MCCC1: variants seen among roughly 807,000 people sequenced by gnomAD.
MCCC1 encodes methylcrotonyl-CoA carboxylase subunit 1.
A neutral mutation model predicts 83.8 loss-of-function variants in MCCC1; 64 were observed. The ratio of observed to expected loss-of-function variants is 0.76; its 90% CI spans 0.62 to 0.94. The LOEUF is 0.94. Among genes scored for constraint, MCCC1 ranks in the 40% least tolerant of loss-of-function variants. MCCC1 has a pLI of 0.00. For missense variants in MCCC1, 807 were observed against 904.7 expected, an observed-to-expected ratio of 0.89 and a Z score of 1.39; for synonymous variants, 322 against 315.4, an observed-to-expected ratio of 1.02 and a Z score of -0.22.
intron 15 of MCCC1, among the ~76,000 whole-genome samples, chr3:183,023,249 A>G (rs1712303214): frequency 6.6e-6 from 1 of 152,210 alleles, no homozygotes; most frequent in African/African-American, 2.4e-5. Flanking sequence ...CAATTCCCAC[A>G]ATGCTAGTGT....
At chr3:183,023,412 T>C (rs1313961857) in intron 15 of MCCC1, among the ~76,000 whole-genome samples, 2 of 152,222 alleles carry the variant, frequency 1.3e-5, no homozygotes, top group East Asian at 3.8e-4. Flanking sequence ...ATTTGAATGT[T>C]TGTGGAACTC....
At position 183,092,361 on chromosome 3, in the gene MCCC1, C is replaced by G. The variant is rs760673264; in HGVS notation, c.273+48G>C. 14 of 1,612,602 alleles carry G rather than the reference C, an allele frequency of 8.7e-6. No individual in the cohort carries two copies. In the South Asian group the frequency reaches 1.5e-4, roughly 18 times the overall value. On this transcript the variant is annotated intron_variant, in intron 3 of 18. Coordinates refer to ENST00000265594, the MANE Select transcript of MCCC1 (RefSeq NM_020166.5). ...ATCATAAAGAACGAAAATACTGACA[C>G]AGTAAACGAATAAACGTAAGACGTG...
intron 17 of MCCC1, 77 bp from the exon 18 acceptor site, chr3:183,017,414 C>A (rs1304450801): frequency 7.8e-7 from 1 of 1,286,358 alleles, no homozygotes; most frequent in Non-Finnish European, 1.1e-6. Context: ...ATTATAGTAA[C>A]CATTTTACTG....
At chr3:183,027,707 A>C (rs1049623064) in intron 14 of MCCC1, among the ~76,000 whole-genome samples, 2 of 152,218 alleles carry the variant, frequency 1.3e-5, no homozygotes, top group Non-Finnish European at 2.9e-5. Flanking sequence ...GATATGGAGA[A>C]GTTTTAGTGG....
At chr3:183,023,081 G>C (rs1021504327) in intron 15 of MCCC1, among the ~76,000 whole-genome samples, 4 of 152,162 alleles carry the variant, frequency 2.6e-5, no homozygotes, top group Admixed American at 2.6e-4. Context: ...ACATAAATTA[G>C]CTGGAGATTG....
chr3:183,027,190 A>C (rs1273223500), intron 14 of MCCC1, among the ~76,000 whole-genome samples: 2 of 152,114 alleles, frequency 1.3e-5, no homozygotes, highest in African/African-American at 4.8e-5. Flanking sequence ...CTCAATCAAT[A>C]TTGTGTGTGT....
intron 1 of MCCC1, among the ~76,000 whole-genome samples, chr3:183,113,069 C>T (rs1430873435): frequency 6.6e-6 from 1 of 151,664 alleles, no homozygotes; most frequent in Non-Finnish European, 1.5e-5. Flanking sequence ...ACTAAAAATA[C>T]AAAAATTAGC....
chr3:183,045,021 T>C (rs1714429717), intron 10 of MCCC1, among the ~76,000 whole-genome samples: 2 of 151,820 alleles, frequency 1.3e-5, no homozygotes, highest in Admixed American at 6.6e-5. Flanking sequence ...GATGAACCCA[T>C]CACTCAAACA....
chr3:183,045,033 T>C (rs917966564), intron 10 of MCCC1, among the ~76,000 whole-genome samples: 1 of 151,866 alleles, frequency 6.6e-6, no homozygotes, highest in Admixed American at 6.6e-5. Context: ...ACTCAAACAG[T>C]GAACACGGTA....
intron 7 of MCCC1, among the ~76,000 whole-genome samples, chr3:183,058,080 C>G (rs1311082207): frequency 6.6e-6 from 1 of 152,130 alleles, no homozygotes; most frequent in African/African-American, 2.4e-5. Context: ...AAAGTACAAA[C>G]TGTCAAAGAA....
At chr3:183,042,526 A>G (rs1279088433) in intron 10 of MCCC1, among the ~76,000 whole-genome samples, 1 of 152,216 alleles carries the variant, frequency 6.6e-6, no homozygotes. Flanking sequence ...TCTAGACTCT[A>G]AGTAACTTAG....
chr3:183,022,728 T>G, intron 15 of MCCC1, 174 bp from the exon 16 acceptor site: 1 of 589,002 alleles, frequency 1.7e-6, no homozygotes, highest in Non-Finnish European at 2.9e-6. Flanking sequence ...CTAACCAAGA[T>G]ACTTTACATA....
intron 4 of MCCC1, among the ~76,000 whole-genome samples, chr3:183,076,786 T>C (rs1394362121): frequency 1.3e-5 from 2 of 152,206 alleles, no homozygotes; most frequent in Non-Finnish European, 2.9e-5. Flanking sequence ...ATTTTTAGTA[T>C]ACTCAAAGTC....
At chr3:183,055,632 CG>C (rs1715362275) in intron 8 of MCCC1, among the ~76,000 whole-genome samples, 1 of 151,630 alleles carries the variant, frequency 6.6e-6, no homozygotes, top group Non-Finnish European at 1.5e-5. Flanking sequence ...CACAGTGGCT[CG>C]GGCCTGTAAT....
chr3:183,092,712 A>C (rs983268738), intron 2 of MCCC1, among the ~76,000 whole-genome samples, 167 bp from the exon 3 acceptor site: 2 of 152,224 alleles, frequency 1.3e-5, no homozygotes, highest in Non-Finnish European at 2.9e-5. Flanking sequence ...AATATTAGAC[A>C]GTGCACTTCT....
At chr3:183,069,407 A>C (rs1251566186) in intron 7 of MCCC1, among the ~76,000 whole-genome samples, 1 of 152,218 alleles carries the variant, frequency 6.6e-6, no homozygotes, top group African/African-American at 2.4e-5. Context: ...ATTCTAACTT[A>C]AGAGCATGCT....
At chr3:183,112,143 C>T (rs1719505181) in intron 1 of MCCC1, among the ~76,000 whole-genome samples, 1 of 152,148 alleles carries the variant, frequency 6.6e-6, no homozygotes, top group Admixed American at 6.5e-5. Context: ...CAGGCATTTT[C>T]CTCATCATCA....
intron 9 of MCCC1, among the ~76,000 whole-genome samples, chr3:183,047,798 A>AG (rs1369965566): frequency 6.6e-6 from 1 of 151,724 alleles, no homozygotes; most frequent in African/African-American, 2.4e-5. Flanking sequence ...AAAAACAGTG[A>AG]GAAAAAAAAC....
chr3:183,103,441 G>C (rs891610730), upstream of MCCC1, among the ~76,000 whole-genome samples: 1 of 152,002 alleles, frequency 6.6e-6, no homozygotes, highest in South Asian at 2.1e-4. Flanking sequence ...GGTTCTCCAC[G>C]TCCCCAGCCT....
Sources: allele counts gnomAD v4.1 joint callset (sites outside exome capture counted in the v4.1 genomes callset), GRCh38; gene constraint gnomAD v4.1.1; transcripts MANE v1.5; gene names NCBI Gene and HGNC (gene_info 2026-07-23, HGNC 2026-07-21).